DNM1L: variants seen among roughly 807,000 people sequenced by gnomAD.
DNM1L encodes the protein dynamin-1-like protein.
In DNM1L, 33 loss-of-function variants were observed where a neutral mutation model predicts 92.8. That is an observed-to-expected ratio of 0.36 (90% confidence interval 0.27 to 0.48). The LOEUF (loss-of-function observed/expected upper bound fraction) is 0.48. DNM1L is among the 20% of genes least tolerant of loss of function. The pLI is 0.99. For synonymous variants in DNM1L, 284 were observed against 305.0 expected, an observed-to-expected ratio of 0.93 and a Z score of 0.72; for missense variants, 485 against 888.8, an observed-to-expected ratio of 0.55 and a Z score of 5.78.
chr12:32,684,746 G>C (rs1415863232), intron 1 of DNM1L, among the ~76,000 whole-genome samples: 1 of 152,162 alleles, frequency 6.6e-6, no homozygotes, highest in Non-Finnish European at 1.5e-5. Context: ...TGGGATTATA[G>C]GCATGAGCCA....
intron 9 of DNM1L, 47 bp downstream of exon 9, chr12:32,722,680 T>A: frequency 6.9e-7 from 1 of 1,449,618 alleles, no homozygotes; most frequent in Non-Finnish European, 9.6e-7. Flanking sequence ...GATTGCTAGG[T>A]CACTTTTCCT....
At chr12:32,687,076 C>T (rs925498160) in intron 1 of DNM1L, among the ~76,000 whole-genome samples, 2 of 151,566 alleles carry the variant, frequency 1.3e-5, no homozygotes, top group African/African-American at 2.4e-5. Context: ...CCACCACACC[C>T]GGCCTTGTCT....
chr12:32,698,036 C>T (rs1483906163), intron 1 of DNM1L, among the ~76,000 whole-genome samples: 2 of 150,872 alleles, frequency 1.3e-5, no homozygotes, highest in African/African-American at 4.9e-5. Context: ...CTGGAAATGT[C>T]TATATGTTGT....
chr12:32,697,450 A>G (rs78480400), intron 1 of DNM1L, among the ~76,000 whole-genome samples: 1,686 of 152,322 alleles, frequency 0.011, 28 homozygotes, highest in African/African-American at 0.039. Context: ...GAGGGATTAT[A>G]TGCAAAACAT....
At chr12:32,695,915 A>C (rs962049511) in intron 1 of DNM1L, among the ~76,000 whole-genome samples, 1 of 152,226 alleles carries the variant, frequency 6.6e-6, no homozygotes, top group African/African-American at 2.4e-5. Flanking sequence ...AGACATTAAA[A>C]ATAAAGAGAT....
chr12:32,721,286 G>T (rs1953787664), intron 8 of DNM1L, among the ~76,000 whole-genome samples: 1 of 152,166 alleles, frequency 6.6e-6, no homozygotes, highest in African/African-American at 2.4e-5. Context: ...CTTTCTAGAT[G>T]ATTTATAAAT....
At chr12:32,702,623 A>AT (rs1952760055) in intron 2 of DNM1L, among the ~76,000 whole-genome samples, 2 of 151,438 alleles carry the variant, frequency 1.3e-5, no homozygotes, top group Admixed American at 1.3e-4. Context: ...AATTGAACTT[A>AT]TTTTAATTTC....
intron 1 of DNM1L, among the ~76,000 whole-genome samples, chr12:32,685,670 C>A (rs908938476): frequency 6.6e-6 from 1 of 152,080 alleles, no homozygotes; most frequent in Non-Finnish European, 1.5e-5. Flanking sequence ...GCCGTGGCTG[C>A]ACCATTTCAC....
At chr12:32,733,368 A>G (rs1047045428) in intron 12 of DNM1L, 4 of 243,334 alleles carry the variant, frequency 1.6e-5, no homozygotes, top group African/African-American at 9.3e-5. Context: ...GGAATAGTGG[A>G]TGATCTGAAG....
intron 9 of DNM1L, among the ~76,000 whole-genome samples, chr12:32,724,659 T>C (rs955957111): frequency 7.1e-6 from 1 of 141,458 alleles, no homozygotes; most frequent in Non-Finnish European, 1.5e-5. Context: ...ATTTAATATA[T>C]ATATAAAAAA....
Position 32,679,350 on chromosome 12 carries a change from G to A in DNM1L, c.-14G>A, listed in dbSNP as rs201968952. Reference sequence around the variant, plus strand: ...CGTGGCCGGCGGGCACTGGGGCCCCGTGTTTTCAGAGTCATGGAGGCGCTA... The same window carrying A: ...CGTGGCCGGCGGGCACTGGGGCCCCATGTTTTCAGAGTCATGGAGGCGCTA... On this transcript the variant is annotated 5_prime_UTR_variant, in exon 1 of 20. It adds an upstream start codon to the 5' untranslated region. Transcript: ENST00000549701. 2.7e-4 allele frequency: 432 copies of A among 1,605,146 alleles called. 2 individuals carry two copies. In the African/African-American group the frequency reaches 5.4e-3, roughly 20 times the overall value.
chr12:32,684,069 AT>A (rs1469432461), intron 1 of DNM1L, among the ~76,000 whole-genome samples: 2 of 152,242 alleles, frequency 1.3e-5, no homozygotes, highest in African/African-American at 4.8e-5. Flanking sequence ...ATTCACCCTT[AT>A]AAAGTATACA....
chr12:32,682,358 C>T (rs1350701753), intron 1 of DNM1L, among the ~76,000 whole-genome samples: 1 of 152,080 alleles, frequency 6.6e-6, no homozygotes, highest in East Asian at 1.9e-4. Context: ...TATCCAACTC[C>T]CGACCTCAGG....
Position 32,742,591 on chromosome 12 carries a change from T to C in DNM1L, c.1997T>C (p.Val666Ala). The change falls in exon 19 of 20, where the codon GTG becomes GCG. Residue 666 changes from valine (V) to alanine (A), a missense_variant and splice_region_variant. Val to Ala is a moderately conservative substitution (Grantham distance 64, BLOSUM62 0). This residue lies in a region of DNM1L where 133 missense variants were observed against 210.9 expected (regional missense o/e 0.63). Coordinates refer to ENST00000549701, the MANE Select transcript of DNM1L (RefSeq NM_012062.5). ...LIVRKNIQDS[V>A]PKAVMHFLVN... is the part of the protein sequence containing the mutation. Reference sequence around the variant, plus strand: ...CATAATTTGGTTGTGTTTTGCAGTGTGCCAAAGGCAGTAATGCATTTTTTG... The same window carrying C: ...CATAATTTGGTTGTGTTTTGCAGTGCGCCAAAGGCAGTAATGCATTTTTTG... The C allele has an allele frequency of 1.2e-6, 2 of 1,614,122 alleles. No individual in the cohort carries two copies. The highest frequency in any genetic ancestry group is 1.7e-6 in the Non-Finnish European group (2 of 1,179,994).
At position 32,731,922 on chromosome 12, in the gene DNM1L, G is replaced by C; in HGVS notation, c.1425G>C (p.Arg475Ser). ...VEVVTCLLRK[R>S]LPVTNEMVHN... is the part of the protein sequence containing the mutation. ...TGGTGACTTGTCTTCTTCGTAAAAG[G>C]TTGCCTGTTACAAATGAAATGGTGA... The change falls in exon 12 of 20, where the codon AGG becomes AGC. Residue 475 changes from arginine (R) to serine (S), a missense_variant. Physicochemically the swap from Arg to Ser is moderately radical, Grantham distance 110. Around this residue, in one of 11 missense-constraint regions of DNM1L, gnomAD observed 28 missense variants for 65.1 expected, o/e 0.43. Coordinates refer to ENST00000549701, the MANE Select transcript of DNM1L (RefSeq NM_012062.5). The surrounding 1 kb of genome is among the most constrained non-coding windows in gnomAD (Gnocchi z 5.1). 1 of 1,613,634 alleles carries C rather than the reference G, an allele frequency of 6.2e-7. No homozygotes were observed. Among genetic ancestry groups the C allele is most frequent in the South Asian group, 1.1e-5 (1 of 91,062 alleles).
chr12:32,724,587 AAAAAAAAT>A lies in DNM1L; in HGVS notation c.1079+1956_1079+1963del, dbSNP rs1172697408. Among the ~76,000 whole-genome samples the A allele has an allele frequency of 6.9e-3, 497 of 71,920 alleles. 1 individual carries two copies. The highest frequency in any genetic ancestry group is 0.016 in the South Asian group (43 of 2,612). 47.2% of individuals were successfully genotyped at this position (71,920 alleles called of 152,430 possible). ...AGAGACTCTATCTCCAAAAAAAAAA[AAAAAAAAT>A]ATATATATATATATATATATATATA... On this transcript the variant is annotated intron_variant, in intron 9 of 19. Coordinates refer to ENST00000549701, the MANE Select transcript of DNM1L (RefSeq NM_012062.5).
At position 32,744,596 on chromosome 12, in the gene DNM1L, C is replaced by A; in HGVS notation, c.*1186C>A. ...GGCGTGGTGGCGCATGCCTGTAATCCCAGCTACTCGGGAGGGTGAGGCAGG... is the reference window on the plus strand; with the variant it reads ...GGCGTGGTGGCGCATGCCTGTAATCACAGCTACTCGGGAGGGTGAGGCAGG... On this transcript the variant is annotated 3_prime_UTR_variant, in exon 20 of 20. Transcript: ENST00000549701. 1 of 235,092 alleles carries A rather than the reference C, an allele frequency of 4.3e-6. No homozygotes were observed. Among genetic ancestry groups the A allele is most frequent in the Non-Finnish European group, 8.3e-6 (1 of 119,990 alleles). The allele number at this position is 235,092 out of a possible 1,614,324, so 14.6% of individuals were successfully genotyped here. A position where few individuals can be genotyped will look rare whatever the true frequency, so the allele number is the denominator to read the frequency against.
chr12:32,681,642 T>C (rs535960165), intron 1 of DNM1L, among the ~76,000 whole-genome samples: 17 of 123,232 alleles, frequency 1.4e-4, no homozygotes, highest in African/African-American at 5.0e-4. Context: ...GAAACAAGAA[T>C]CTCTTCTTGG....
At chr12:32,740,383 A>G in intron 17 of DNM1L, 26 bp from the exon 18 acceptor site, 3 of 1,611,170 alleles carry the variant, frequency 1.9e-6, no homozygotes, top group African/African-American at 2.7e-5. Flanking sequence ...CAAAAGTAAT[A>G]TTTTTTCCCC....
Sources: allele counts gnomAD v4.1 joint callset (sites outside exome capture counted in the v4.1 genomes callset), GRCh38; gene constraint gnomAD v4.1.1; regional missense constraint gnomAD v4.1.1; non-coding constraint Gnocchi (gnomAD v3.1); transcripts MANE v1.5; gene names NCBI Gene and HGNC (gene_info 2026-07-23, HGNC 2026-07-21).